The following CYRIB variants were observed in gnomAD, a reference collection of about 807,000 sequenced individuals.
CYRIB encodes the protein CYFIP related Rac1 interactor B.
A neutral mutation model predicts 44.2 loss-of-function variants in CYRIB; 8 were observed. The ratio of observed to expected loss-of-function variants is 0.18; its 90% CI spans 0.11 to 0.33. The LOEUF (loss-of-function observed/expected upper bound fraction) is 0.33. Ranked by LOEUF, CYRIB falls within the 10% of genes least tolerant of loss-of-function variation. The probability of loss-of-function intolerance (pLI) is 1.00; values close to 1 mark genes in which losing one functional copy is unlikely to be tolerated. For missense variants in CYRIB, 185 were observed against 382.8 expected (o/e 0.48, Z 4.31); for synonymous variants, 131 against 127.2 (o/e 1.03, Z -0.20).
intron 2 of CYRIB, among the ~76,000 whole-genome samples, chr8:129,964,600 C>A (rs770047805): frequency 6.6e-5 from 10 of 152,100 alleles, no homozygotes; most frequent in Non-Finnish European, 1.0e-4. Flanking sequence ...ATGGGATTAT[C>A]GGGCCAAGCA....
intron 2 of CYRIB, among the ~76,000 whole-genome samples, chr8:129,957,771 C>T (rs2094943200): frequency 6.6e-6 from 1 of 151,928 alleles, no homozygotes; most frequent in Non-Finnish European, 1.5e-5. Context: ...CAAGACCATC[C>T]TGGCTAACAT....
chr8:129,933,170 G>A (rs1323287164), intron 1 of CYRIB, among the ~76,000 whole-genome samples: 4 of 152,112 alleles, frequency 2.6e-5, no homozygotes, highest in Non-Finnish European at 4.4e-5. Flanking sequence ...ATTAAACTGC[G>A]AGAGAATGAC....
chr8:129,944,145 T>A (rs540688701), upstream of CYRIB, among the ~76,000 whole-genome samples: 1 of 152,184 alleles, frequency 6.6e-6, no homozygotes, highest in African/African-American at 2.4e-5. Context: ...TAATCAGGTA[T>A]GTTTTATATC....
rs1377203260 is a variant in CYRIB, at chr8:129,862,420, T to C, written c.196-86A>G. 3.9e-6 allele frequency: 4 copies of C among 1,013,148 alleles called. No homozygotes were observed. The African/African-American group carries it at 4.9e-5, about 13-fold the overall frequency. The allele number at this position is 1,013,148 out of a possible 1,614,324, so 62.8% of individuals were successfully genotyped here. On this transcript the variant is annotated intron_variant, in intron 4 of 11. Coordinates refer to ENST00000519824, the Ensembl canonical transcript of CYRIB. ...ATTAAAATGTAGGCTTTAGCAAACA[T>C]AGGAAACACTGGTATAATCCATAAA...
At chr8:129,916,672 G>A (rs1276594157) in intron 1 of CYRIB, among the ~76,000 whole-genome samples, 3 of 152,104 alleles carry the variant, frequency 2.0e-5, no homozygotes, top group South Asian at 2.1e-4. Context: ...GGCTTTTCCC[G>A]AGGACTCCAG....
At chr8:129,931,997 C>CT (rs1235113746) in intron 1 of CYRIB, among the ~76,000 whole-genome samples, 2,077 of 129,416 alleles carry the variant, frequency 0.016, 43 homozygotes, top group African/African-American at 0.031. Context: ...TAAGTATCTT[C>CT]TTTTTTTTTT....
intron 1 of CYRIB, among the ~76,000 whole-genome samples, chr8:129,924,073 C>G (rs972899280): frequency 8.5e-5 from 12 of 141,442 alleles, no homozygotes; most frequent in Non-Finnish European, 1.5e-4. Context: ...AAATTTGAGA[C>G]CAGCCTGGGC....
exon 12 of CYRIB, chr8:129,842,186 T>A: frequency 6.2e-7 from 1 of 1,612,204 alleles, no homozygotes; most frequent in Non-Finnish European, 8.5e-7. Flanking sequence ...GTCTCATCAT[T>A]CAAATGTTTT....
chr8:129,964,244 C>T (rs1188509038), intron 2 of CYRIB, among the ~76,000 whole-genome samples: 2 of 152,222 alleles, frequency 1.3e-5, no homozygotes, highest in Admixed American at 6.5e-5. Context: ...TAAAATAATT[C>T]AGGAAACGAG....
At position 129,855,762 on chromosome 8, in the gene CYRIB, T is replaced by G. The variant is rs1325377618; in HGVS notation, c.302-15A>C. 4.4e-6 allele frequency: 7 copies of G among 1,584,368 alleles called. No individual in the cohort carries two copies. The highest frequency in any genetic ancestry group is 5.1e-6 in the Non-Finnish European group (6 of 1,166,996). On this transcript the variant is annotated splice_polypyrimidine_tract_variant and intron_variant, in intron 5 of 11. Coordinates refer to ENST00000519824, the Ensembl canonical transcript of CYRIB. Reference sequence around the variant, plus strand: ...TAATGCTGCTTCTAAAGAAAAAAATTGAAAAAAACATTAAGTTGTTTGTAT... The same window carrying G: ...TAATGCTGCTTCTAAAGAAAAAAATGGAAAAAAACATTAAGTTGTTTGTAT...
At chr8:129,958,005 C>G (rs1470646282) in intron 2 of CYRIB, among the ~76,000 whole-genome samples, 1 of 150,900 alleles carries the variant, frequency 6.6e-6, no homozygotes, top group Non-Finnish European at 1.5e-5. Flanking sequence ...AAAAATTAGC[C>G]AAGCTAATTA....
rs776465575 is a variant in CYRIB at position 129,852,147 on chromosome 8, C to T, written c.633+15G>A. 2.0e-6 allele frequency: 3 copies of T among 1,481,424 alleles called. No individual in the cohort carries two copies. The highest frequency in any genetic ancestry group is 1.8e-6 in the Non-Finnish European group (2 of 1,095,750). 91.8% of individuals were successfully genotyped at this position (1,481,424 alleles called of 1,614,324 possible). ...ATAAATAACAACACAGAGTACCTGC[C>T]TAGGCAATGCTTACCTCTGATACAA... On this transcript the variant is annotated intron_variant, in intron 8 of 11. Coordinates refer to ENST00000519824, the Ensembl canonical transcript of CYRIB.
upstream of CYRIB, among the ~76,000 whole-genome samples, chr8:130,016,856 T>C (rs2097358486): frequency 6.6e-6 from 1 of 151,912 alleles, no homozygotes; most frequent in Admixed American, 6.5e-5. Context: ...CGCGCTGCGA[T>C]TGGGGGTCAT....
exon 12 of CYRIB, chr8:129,841,936 G>C (rs1046125177): frequency 5.7e-6 from 3 of 521,818 alleles, no homozygotes; most frequent in Non-Finnish European, 1.0e-5. Context: ...CGTTTGAAAG[G>C]ATGATATCCC....
At chr8:129,986,437 T>TA (rs2096458645) in intron 1 of CYRIB, among the ~76,000 whole-genome samples, 2 of 152,208 alleles carry the variant, frequency 1.3e-5, no homozygotes, top group African/African-American at 4.8e-5. Context: ...TGTTGAAACT[T>TA]AATCCCCAAT....
At chr8:129,954,006 G>A (rs1235840877) in intron 2 of CYRIB, among the ~76,000 whole-genome samples, 1 of 152,122 alleles carries the variant, frequency 6.6e-6, no homozygotes, top group East Asian at 1.9e-4. Flanking sequence ...GACCAGTTAA[G>A]AAGTGTAACT....
intron 1 of CYRIB, among the ~76,000 whole-genome samples, chr8:129,996,787 T>C (rs1430469343): frequency 1.3e-5 from 2 of 152,102 alleles, no homozygotes; most frequent in Non-Finnish European, 2.9e-5. Context: ...GGATCTAATG[T>C]ATTCTGTACC....
At chr8:129,872,051 C>A (rs748000632) in intron 3 of CYRIB, among the ~76,000 whole-genome samples, 1 of 151,978 alleles carries the variant, frequency 6.6e-6, no homozygotes, top group Non-Finnish European at 1.5e-5. Context: ...TCGAAAGTGT[C>A]TCAACATATA....
In CYRIB at chr8:129,922,672, G is replaced by A. The variant is rs141713643; in HGVS notation, c.-50+16936C>T. Among the ~76,000 whole-genome samples the A allele has an allele frequency of 7.4e-3, 1,103 of 149,980 alleles. 9 individuals carry two copies. The highest frequency in any genetic ancestry group is 0.016 in the South Asian group (75 of 4,728). On this transcript the variant is annotated intron_variant, in intron 1 of 11. Coordinates refer to ENST00000519824, the Ensembl canonical transcript of CYRIB. ...AGGTCAGGAGATCGAGACCAGCCTG[G>A]CTAACATGGTGAACTCCTGTCTCAA...
Sources: allele counts gnomAD v4.1 joint callset (sites outside exome capture counted in the v4.1 genomes callset), GRCh38; gene constraint gnomAD v4.1.1; transcripts MANE v1.5; gene names NCBI Gene and HGNC (gene_info 2026-07-23, HGNC 2026-07-21).